Variants in TFDP1 observed in about 807,000 individuals in gnomAD.
TFDP1 encodes transcription factor Dp-1.
TFDP1 carries 6 observed loss-of-function variants against 48.0 expected under a neutral mutation model. The ratio of observed to expected loss-of-function variants is 0.13; its 90% CI spans 0.07 to 0.25. TFDP1 has a LOEUF of 0.25. TFDP1 is among the 10% of genes least tolerant of loss of function. The probability of loss-of-function intolerance (pLI) is 1.00; values close to 1 mark genes in which losing one functional copy is unlikely to be tolerated. For synonymous variants in TFDP1, 201 were observed against 211.6 expected, an observed-to-expected ratio of 0.95 and a Z score of 0.44; for missense variants, 335 against 543.0, an observed-to-expected ratio of 0.62 and a Z score of 3.81.
At chr13:113,613,787 GCAT>G (rs2048777665) in intron 3 of TFDP1, among the ~76,000 whole-genome samples, 1 of 151,502 alleles carries the variant, frequency 6.6e-6, no homozygotes, top group Admixed American at 6.6e-5. Context: ...GCTTATCAGT[GCAT>G]TGTGCGTGTG....
chr13:113,599,362 CA>C (rs2048356405), intron 2 of TFDP1, among the ~76,000 whole-genome samples: 1 of 152,202 alleles, frequency 6.6e-6, no homozygotes, highest in Admixed American at 6.5e-5. Context: ...CAGAGATAGT[CA>C]TTCACTCTTA....
rs187045064 is a variant in TFDP1 at position 113,598,935 on chromosome 13, C to T, written c.13-12061C>T. Reference sequence around the variant, plus strand: ...AATGAAATCGCCTTATTGCTTTGTTCGGTTATGAAAATGGAAAGTTTATTT... The same window carrying T: ...AATGAAATCGCCTTATTGCTTTGTTTGGTTATGAAAATGGAAAGTTTATTT... On this transcript the variant is annotated intron_variant, in intron 2 of 11. Transcript: ENST00000375370. This position sits in a 1 kb window ranked among gnomAD's most constrained non-coding sequence, Gnocchi z 4.2. 2.0e-5 allele frequency among the ~76,000 whole-genome samples: 3 copies of T among 152,158 alleles called. No homozygotes were observed. The highest frequency in any genetic ancestry group is 6.5e-5 in the Admixed American group (1 of 15,288).
At chr13:113,634,310 T>G (rs2049415592) in intron 7 of TFDP1, 1 of 634,810 alleles carries the variant, frequency 1.6e-6, no homozygotes, top group African/African-American at 1.8e-5. Context: ...ATACCATAGT[T>G]AAATCCAAGA....
At chr13:113,588,696 AGAGAGTGAGTGGTGGTGGACTTGATG>A (rs1213145602) in intron 2 of TFDP1, among the ~76,000 whole-genome samples, 34 of 151,226 alleles carry the variant, frequency 2.2e-4, no homozygotes, top group East Asian at 1.9e-3. Context: ...TGTAGTAGTT[AGAGAGTGAGTGGTGGTGGACTTGATG>A]GAGAGTGAGT....
chr13:113,631,510 C>A, intron 4 of TFDP1, 113 bp from the exon 5 acceptor site: 2 of 1,379,472 alleles, frequency 1.4e-6, no homozygotes, highest in East Asian at 5.1e-5. Context: ...CATGGCTGCT[C>A]ACTGTGGTTA....
chr13:113,589,060 T>C (rs1387747745), intron 2 of TFDP1, among the ~76,000 whole-genome samples: 1 of 151,206 alleles, frequency 6.6e-6, no homozygotes, highest in Non-Finnish European at 1.5e-5. Context: ...GGTGCTGGAG[T>C]GGGTGATGTA....
chr13:113,623,411 C>A lies in TFDP1; in HGVS notation c.186+125C>A. 1.2e-6 allele frequency: 1 copy of A among 863,034 alleles called. No homozygotes were observed. Among genetic ancestry groups the A allele is most frequent in the East Asian group, 2.7e-5 (1 of 37,090 alleles). 53.5% of individuals were successfully genotyped at this position (863,034 alleles called of 1,614,324 possible). A position where few individuals can be genotyped will look rare whatever the true frequency, so the allele number is the denominator to read the frequency against. On this transcript the variant is annotated intron_variant, in intron 4 of 11. Transcript: ENST00000375370. The surrounding 1 kb of genome is among the most constrained non-coding windows in gnomAD (Gnocchi z 5.2). The stretch of plus-strand genomic sequence containing the variant: ...GCTCCAGTTGCAGCATGGGGCCTTT[C>A]CCTCATCAGGGAGCCCGTGGCCAGT...
At chr13:113,630,093 C>T (rs1335501660) in intron 4 of TFDP1, among the ~76,000 whole-genome samples, 1 of 152,092 alleles carries the variant, frequency 6.6e-6, no homozygotes, top group Non-Finnish European at 1.5e-5. Flanking sequence ...TCTCAGGCAG[C>T]CTGAGTGGCA....
Position 113,633,627 on chromosome 13 carries a change from G to A in TFDP1, c.475-263G>A, listed in dbSNP as rs1361422031. On this transcript the variant is annotated intron_variant, in intron 6 of 11. Coordinates refer to ENST00000375370, the MANE Select transcript of TFDP1 (RefSeq NM_007111.5). This position sits in a 1 kb window ranked among gnomAD's most constrained non-coding sequence, Gnocchi z 4.5. ...CGTGGGCTGGCTCTGCACGTCTAGC[G>A]GCCCAGAAATGCACAAATGCCCACC... Among the ~76,000 whole-genome samples, 2 of 152,174 alleles carry A rather than the reference G, an allele frequency of 1.3e-5. No homozygotes were observed. The highest frequency in any genetic ancestry group is 4.8e-5 in the African/African-American group (2 of 41,436).
intron 3 of TFDP1, among the ~76,000 whole-genome samples, chr13:113,621,119 A>C (rs1460438559): frequency 2.6e-5 from 4 of 152,264 alleles, no homozygotes; most frequent in Non-Finnish European, 5.9e-5. Context: ...CGAAAGTCTC[A>C]CCGATGATTC....
intron 11 of TFDP1, among the ~76,000 whole-genome samples, chr13:113,639,865 G>C (rs924802055): frequency 1.3e-5 from 2 of 152,212 alleles, no homozygotes; most frequent in East Asian, 3.8e-4. Context: ...GGCAGCGTGT[G>C]GCTCTGCTCA....
chr13:113,616,625 A>G lies in TFDP1; in HGVS notation c.79+5563A>G, dbSNP rs4150742. Among the ~76,000 whole-genome samples the G allele has an allele frequency of 7.3e-3, 1,110 of 152,208 alleles. 15 individuals are homozygous for G. The highest frequency in any genetic ancestry group is 0.025 in the African/African-American group (1,047 of 41,520). On this transcript the variant is annotated intron_variant, in intron 3 of 11. Transcript: ENST00000375370. Reference sequence around the variant, plus strand: ...GTGTCTTTACTTTCCTCCTGCTTCAATCTCATATCTGTCGGCTTTAGGGTT... The same window carrying G: ...GTGTCTTTACTTTCCTCCTGCTTCAGTCTCATATCTGTCGGCTTTAGGGTT...
At chr13:113,612,642 A>G (rs1369209248) in intron 3 of TFDP1, among the ~76,000 whole-genome samples, 3 of 152,200 alleles carry the variant, frequency 2.0e-5, no homozygotes, top group South Asian at 2.1e-4. Flanking sequence ...GTCTGTTACT[A>G]TGGTGTTGAA....
At chr13:113,613,660 G>A (rs766921096) in intron 3 of TFDP1, among the ~76,000 whole-genome samples, 18 of 142,782 alleles carry the variant, frequency 1.3e-4, no homozygotes, top group Non-Finnish European at 2.0e-4. Context: ...TGAATGCGTG[G>A]GTATGAGTGT....
Position 113,627,887 on chromosome 13 carries a change from G to A in TFDP1, c.187-3736G>A, listed in dbSNP as rs187994019. Among the ~76,000 whole-genome samples the A allele has an allele frequency of 6.6e-6, 1 of 152,296 alleles. No individual in the cohort carries two copies. The highest frequency in any genetic ancestry group is 1.9e-4 in the East Asian group (1 of 5,184). ...ACTGGTCCCTGATACCAAAAAGGTG[G>A]GGGATCGCTGCTTTAAACACCAAGG... On this transcript the variant is annotated intron_variant, in intron 4 of 11. Coordinates refer to ENST00000375370, the MANE Select transcript of TFDP1 (RefSeq NM_007111.5). This position sits in a 1 kb window ranked among gnomAD's most constrained non-coding sequence, Gnocchi z 4.1.
At position 113,593,968 on chromosome 13, in the gene TFDP1, C is replaced by T. The variant is rs369118935; in HGVS notation, c.12+8119C>T. On this transcript the variant is annotated intron_variant, in intron 2 of 11. Coordinates refer to ENST00000375370, the MANE Select transcript of TFDP1 (RefSeq NM_007111.5). ...GCTGTGTGTGGGTCCTCACCCTGCC[C>T]AGGTGACAGTTGTGCTGTGTGTGGG... 2.8e-5 allele frequency among the ~76,000 whole-genome samples: 4 copies of T among 140,492 alleles called. No individual in the cohort carries two copies. The East Asian group carries it at 6.7e-4, about 24-fold the overall frequency. 92.2% of individuals were successfully genotyped at this position (140,492 alleles called of 152,430 possible).
chr13:113,602,422 G>C (rs1180248405), intron 2 of TFDP1, among the ~76,000 whole-genome samples: 1 of 152,140 alleles, frequency 6.6e-6, no homozygotes, highest in South Asian at 2.1e-4. Context: ...GTCCCGTGCT[G>C]GGGCCAGGAG....
chr13:113,633,748 G>A lies in TFDP1; in HGVS notation c.475-142G>A. ...CCGTCTTGCCCTGCGTCATCTGTGG[G>A]GTGGGAGCGCTCCCTGAGGGCATGT... On this transcript the variant is annotated intron_variant, in intron 6 of 11. Transcript: ENST00000375370. The surrounding 1 kb of genome is among the most constrained non-coding windows in gnomAD (Gnocchi z 4.5). 2 of 950,888 alleles carry A rather than the reference G, an allele frequency of 2.1e-6. No individual in the cohort carries two copies. Among genetic ancestry groups the A allele is most frequent in the Non-Finnish European group, 3.2e-6 (2 of 632,000 alleles). 58.9% of individuals were successfully genotyped at this position (950,888 alleles called of 1,614,324 possible). A position where few individuals can be genotyped will look rare whatever the true frequency, so the allele number is the denominator to read the frequency against.
At chr13:113,610,013 A>T (rs1457776281) in intron 2 of TFDP1, among the ~76,000 whole-genome samples, 2 of 152,234 alleles carry the variant, frequency 1.3e-5, no homozygotes, top group African/African-American at 4.8e-5. Context: ...GGAAGAGAAT[A>T]AAAGATTTCC....
Sources: gnomAD v4.1 joint callset for allele counts (sites outside exome capture counted in the v4.1 genomes callset) on GRCh38, gnomAD v4.1.1 for gene constraint, Gnocchi (gnomAD v3.1) non-coding constraint, MANE v1.5 for transcripts, NCBI Gene and HGNC (gene_info 2026-07-23, HGNC 2026-07-21) for gene names.